The following SH3GL1 variants were observed in gnomAD, a reference collection of about 807,000 sequenced individuals.
SH3GL1 encodes the protein endophilin-A2.
A neutral mutation model predicts 48.8 loss-of-function variants in SH3GL1; 21 were observed. The observed-to-expected ratio is 0.43, with a 90% CI of 0.30 to 0.62. SH3GL1 has a LOEUF of 0.62. SH3GL1 is among the 20% of genes least tolerant of loss of function. The pLI, the probability that SH3GL1 is intolerant of heterozygous loss-of-function variation, is 0.11. For synonymous variants in SH3GL1, 282 were observed against 217.5 expected (o/e 1.30, Z -2.61); for missense variants, 454 against 503.0 (o/e 0.90, Z 0.93).
chr19:4,399,417 A>C (rs1292892893), intron 1 of SH3GL1, among the ~76,000 whole-genome samples: 2 of 149,142 alleles, frequency 1.3e-5, no homozygotes, highest in African/African-American at 4.9e-5. Flanking sequence ...GAAAGAAGAG[A>C]AGGGAGGGAG....
In SH3GL1 at chr19:4,367,043, G is replaced by A; in HGVS notation, c.46-49C>T. 6.4e-7 allele frequency: 1 copy of A among 1,568,366 alleles called. No individual in the cohort carries two copies. The highest frequency in any genetic ancestry group is 8.8e-7 in the Non-Finnish European group (1 of 1,138,478). ...GCTGTGAGCCCAGGGGTAGGAGGAA[G>A]AAGAGGACAGGAGGCCCTGAGCCGC... On this transcript the variant is annotated intron_variant, in intron 1 of 9. Coordinates refer to ENST00000269886, the MANE Select transcript of SH3GL1 (RefSeq NM_003025.4). The surrounding 1 kb of genome is among the most constrained non-coding windows in gnomAD (Gnocchi z 4.2).
chr19:4,371,688 T>A (rs1182022459), intron 1 of SH3GL1, among the ~76,000 whole-genome samples: 14 of 152,214 alleles, frequency 9.2e-5, no homozygotes, highest in Non-Finnish European at 1.5e-5. Flanking sequence ...TCACTGGCAG[T>A]CATGCTGTGG....
chr19:4,362,239 ATGGGCAGAGAACAGGGCGGGAG>A, intron 9 of SH3GL1, 68 bp downstream of exon 9: 2 of 1,323,918 alleles, frequency 1.5e-6, no homozygotes, highest in Non-Finnish European at 2.1e-6. Context: ...CCTGCTTGAG[ATGGGCAGAGAACAGGGCGGGAG>A]GAGAAACACC....
At chr19:4,384,113 C>T (rs1385734972) in intron 1 of SH3GL1, among the ~76,000 whole-genome samples, 2 of 152,160 alleles carry the variant, frequency 1.3e-5, no homozygotes, top group Non-Finnish European at 2.9e-5. Flanking sequence ...TTTCTGTGAG[C>T]GCGGCCTCAC....
chr19:4,371,978 CT>C (rs370404106), intron 1 of SH3GL1, among the ~76,000 whole-genome samples: 2 of 151,864 alleles, frequency 1.3e-5, no homozygotes, highest in Non-Finnish European at 2.9e-5. Flanking sequence ...AAGGCCTCAT[CT>C]TTTTTTTTCT....
At chr19:4,394,263 C>G (rs1208488124) in intron 1 of SH3GL1, among the ~76,000 whole-genome samples, 1 of 152,082 alleles carries the variant, frequency 6.6e-6, no homozygotes, top group African/African-American at 2.4e-5. Context: ...AATAATGTCA[C>G]CCAAACCCCC....
chr19:4,362,635 C>T lies in SH3GL1; in HGVS notation c.830G>A (p.Cys277Tyr), dbSNP rs369351554. 4.0e-5 allele frequency: 65 copies of T among 1,613,716 alleles called. 1 individual carries two copies. In the South Asian group the frequency reaches 5.5e-4, roughly 14 times the overall value. ...EPEQSNGGFP[C>Y]TTAPKIAASS... Reference sequence around the variant, plus strand: ...ACCTGCGATCTTGGGGGCTGTGGTGCAGGGGAAGCCCCCGTTGGACTGCTC... The same window carrying T: ...ACCTGCGATCTTGGGGGCTGTGGTGTAGGGGAAGCCCCCGTTGGACTGCTC... Residue 277 changes from cysteine to tyrosine, a missense_variant, in exon 8 of 10, where the codon TGC becomes TAC. Transcript: ENST00000269886.
chr19:4,363,504 G>T, intron 6 of SH3GL1, 31 bp from the exon 7 acceptor site: 1 of 1,583,408 alleles, frequency 6.3e-7, no homozygotes, highest in Non-Finnish European at 8.7e-7. Flanking sequence ...AGGGGCTCCT[G>T]CCAGTGCCAC....
At chr19:4,397,477 G>A (rs1039299547) in intron 1 of SH3GL1, among the ~76,000 whole-genome samples, 1 of 152,260 alleles carries the variant, frequency 6.6e-6, no homozygotes, top group Admixed American at 6.5e-5. Flanking sequence ...GAGGGTGTCA[G>A]CTCAGGACAA....
intron 7 of SH3GL1, 52 bp from the exon 8 acceptor site, chr19:4,362,788 C>G: frequency 6.2e-7 from 1 of 1,610,768 alleles, no homozygotes; most frequent in South Asian, 1.1e-5. Context: ...GCCGAGGCAG[C>G]CCCACTCTTG....
In SH3GL1 at chr19:4,362,405, G is replaced by C. The variant is rs1972645032; in HGVS notation, c.854-20C>G. Reference sequence around the variant, plus strand: ...ATGAAGCTAAACACAAGCAAAACGAGGAGGCTGTGGGCTCAAAACGGTCGG... The same window carrying C: ...ATGAAGCTAAACACAAGCAAAACGACGAGGCTGTGGGCTCAAAACGGTCGG... On this transcript the variant is annotated intron_variant, in intron 8 of 9. Transcript: ENST00000269886. The C allele has an allele frequency of 6.2e-7, 1 of 1,605,912 alleles. No individual in the cohort carries two copies. The highest frequency in any genetic ancestry group is 8.5e-7 in the Non-Finnish European group (1 of 1,175,860).
intron 1 of SH3GL1, among the ~76,000 whole-genome samples, chr19:4,368,828 T>C (rs1478044714): frequency 6.6e-6 from 1 of 152,058 alleles, no homozygotes; most frequent in Admixed American, 6.6e-5. Context: ...TCCCAGCACT[T>C]TGGGAGGCTG....
intron 1 of SH3GL1, among the ~76,000 whole-genome samples, chr19:4,373,673 G>A (rs987247921): frequency 6.6e-6 from 1 of 152,162 alleles, no homozygotes; most frequent in African/African-American, 2.4e-5. Context: ...CAGCCAAAGG[G>A]GCAGTCCCTT....
rs920688653 is a variant in SH3GL1, at chr19:4,396,181, G to A, written c.45+4143C>T. Among the ~76,000 whole-genome samples the A allele has an allele frequency of 1.1e-4, 16 of 152,138 alleles. No individual in the cohort carries two copies. The East Asian group carries it at 2.9e-3, about 28-fold the overall frequency. On this transcript the variant is annotated intron_variant, in intron 1 of 9. Coordinates refer to ENST00000269886, the MANE Select transcript of SH3GL1 (RefSeq NM_003025.4). ...GGAGACTGAGGCAGGTAGATCACCC[G>A]AGGTCAAGAGTTCGAGACCAGCCTG...
At chr19:4,364,046 C>T in intron 5 of SH3GL1, 42 bp downstream of exon 5, 2 of 1,611,018 alleles carry the variant, frequency 1.2e-6, no homozygotes, top group Non-Finnish European at 1.7e-6. Context: ...CCCCATCCGG[C>T]AGGGGGAAGG....
At chr19:4,397,386 C>G (rs1221187639) in intron 1 of SH3GL1, among the ~76,000 whole-genome samples, 1 of 152,234 alleles carries the variant, frequency 6.6e-6, no homozygotes, top group Non-Finnish European at 1.5e-5. Context: ...ATTCACAGAT[C>G]TGAACGCAGG....
chr19:4,364,335 T>C, intron 4 of SH3GL1, 114 bp from the exon 5 acceptor site: 1 of 1,361,382 alleles, frequency 7.3e-7, no homozygotes, highest in Non-Finnish European at 1.0e-6. Flanking sequence ...GCAGTGGCGC[T>C]GTACCAGCTC....
chr19:4,369,592 C>G (rs946888496), intron 1 of SH3GL1, among the ~76,000 whole-genome samples: 5 of 152,324 alleles, frequency 3.3e-5, no homozygotes, highest in African/African-American at 1.2e-4. Flanking sequence ...GGGGACCCGC[C>G]ACGGTACCAA....
At chr19:4,362,832 A>G in intron 7 of SH3GL1, 96 bp from the exon 8 acceptor site, 1 of 1,585,470 alleles carries the variant, frequency 6.3e-7, no homozygotes, top group Non-Finnish European at 8.6e-7. Flanking sequence ...CTGGCCTGGG[A>G]CTGCAGGAAG....
Sources: allele counts gnomAD v4.1 joint callset (sites outside exome capture counted in the v4.1 genomes callset), GRCh38; gene constraint gnomAD v4.1.1; non-coding constraint Gnocchi (gnomAD v3.1); transcripts MANE v1.5; gene names NCBI Gene and HGNC (gene_info 2026-07-23, HGNC 2026-07-21).